CCDC186: variants seen among roughly 807,000 people sequenced by gnomAD.
CCDC186 encodes coiled-coil domain-containing protein 186.
Under a neutral mutation model 113.7 loss-of-function variants are expected in CCDC186, and 49 were observed. The observed-to-expected ratio is 0.43, with a 90% confidence interval of 0.34 to 0.55. CCDC186 has a LOEUF of 0.55. CCDC186 is among the 20% of genes least tolerant of loss of function. The pLI, the probability that CCDC186 is intolerant of heterozygous loss-of-function variation, is 0.02. For missense variants in CCDC186, 890 were observed against 1,011.1 expected, an observed-to-expected ratio of 0.88 and a Z score of 1.62; for synonymous variants, 355 against 345.8, an observed-to-expected ratio of 1.03 and a Z score of -0.30.
chr10:114,139,689 T>A (rs1222286959), intron 6 of CCDC186, among the ~76,000 whole-genome samples: 1 of 152,202 alleles, frequency 6.6e-6, no homozygotes, highest in Admixed American at 6.5e-5. Flanking sequence ...AATAATAATT[T>A]GACTTGTATT....
Position 114,131,129 on chromosome 10 carries a change from T to C in CCDC186, c.2101+18A>G. 3 of 1,459,408 alleles carry C rather than the reference T, an allele frequency of 2.1e-6. No individual in the cohort carries two copies. Among genetic ancestry groups the C allele is most frequent in the Non-Finnish European group, 2.7e-6 (3 of 1,103,464 alleles). 90.4% of individuals were successfully genotyped at this position (1,459,408 alleles called of 1,614,324 possible). ...GAAACAAACACATTCATGGTCTAAG[T>C]GTGGAAGAATTTTATACCTTGCTGA... is the stretch of plus-strand genomic sequence containing the variant. On this transcript the variant is annotated intron_variant, in intron 12 of 15. Transcript: ENST00000369287.
rs956862570 is a variant in CCDC186 at position 114,162,690 on chromosome 10, C to A, written c.579G>T (p.Leu193=). 3.1e-6 allele frequency: 5 copies of A among 1,604,776 alleles called. No individual in the cohort carries two copies. The African/African-American group carries it at 5.4e-5, about 17-fold the overall frequency. ...ATTTATCTTGCACACACTTTTCAAA[C>A]AGAACTAATGCATGTTCTCCCTTAT... ...GMNKGEHALV[L]FEKCVQDKYL... Residue 193 remains leucine, a synonymous_variant, in exon 2 of 16, where the codon CTG becomes CTT. Coordinates refer to ENST00000369287, the MANE Select transcript of CCDC186 (RefSeq NM_018017.4).
chr10:114,161,364 T>A (rs940033125), intron 2 of CCDC186, among the ~76,000 whole-genome samples: 1 of 152,158 alleles, frequency 6.6e-6, no homozygotes, highest in Non-Finnish European at 1.5e-5. Flanking sequence ...ATCCATGAAC[T>A]AATAAATGTA....
rs1315087991 is a variant in CCDC186 at position 114,123,544 on chromosome 10, T to C, written c.*1599A>G. 1.3e-5 allele frequency: 2 copies of C among 152,146 alleles called. No individual in the cohort carries two copies. The highest frequency in any genetic ancestry group is 2.9e-5 in the Non-Finnish European group (2 of 68,022). 9.4% of individuals were successfully genotyped at this position (152,146 alleles called of 1,614,324 possible). The stretch of plus-strand genomic sequence containing the variant: ...CCATCATCCCAAAACTTAATTCCCT[T>C]AATGGGAGAAAAAGGGATGCAAAAA... On this transcript the variant is annotated 3_prime_UTR_variant, in exon 16 of 16. Transcript: ENST00000369287.
At position 114,156,122 on chromosome 10, in the gene CCDC186, A is replaced by G. The variant is rs74912646; in HGVS notation, c.759+1432T>C. ...GCCTGTTAAGACTCCCTCACACTTT[A>G]CCATTCTAACTCTGGTTTATATGTG... On this transcript the variant is annotated intron_variant, in intron 3 of 15. Transcript: ENST00000369287. Among the ~76,000 whole-genome samples the G allele has an allele frequency of 5.8e-3, 884 of 152,330 alleles. 7 individuals carry two copies. The highest frequency in any genetic ancestry group is 0.02 in the African/African-American group (843 of 41,572).
At chr10:114,139,510 C>T (rs1223692897) in intron 6 of CCDC186, among the ~76,000 whole-genome samples, 3 of 150,782 alleles carry the variant, frequency 2.0e-5, no homozygotes, top group South Asian at 4.2e-4. Context: ...TTGCAGTGAG[C>T]CAAGATCGCA....
chr10:114,138,338 G>A (rs1449322922), intron 6 of CCDC186, among the ~76,000 whole-genome samples: 1 of 145,252 alleles, frequency 6.9e-6, no homozygotes, highest in Admixed American at 6.9e-5. Context: ...CTGTCACTCA[G>A]GCTTGAGTAC....
In CCDC186 at chr10:114,126,038, T is replaced by G. The variant is rs765719498; in HGVS notation, c.2461A>C (p.Lys821Gln). The change falls in exon 15 of 16, where the codon AAA becomes CAA. Residue 821 changes from lysine (K) to glutamine (Q), a missense_variant. By Grantham distance (53) the Lys-to-Gln change is moderately conservative (BLOSUM62 1). Coordinates refer to ENST00000369287, the MANE Select transcript of CCDC186 (RefSeq NM_018017.4). The part of the protein sequence containing the change: ...TLSSEASDFN[K>Q]VHLSRRGGIM... The stretch of plus-strand genomic sequence containing the variant: ...CCACCCCGTCTACTTAAATGAACTT[T>G]GTTAAAATCAGATGCCTCTGAAGAA... 2 of 1,614,074 alleles carry G rather than the reference T, an allele frequency of 1.2e-6. No homozygotes were observed. The highest frequency in any genetic ancestry group is 1.7e-6 in the Non-Finnish European group (2 of 1,179,960).
chr10:114,172,903 G>T (rs777542811), intron 1 of CCDC186, among the ~76,000 whole-genome samples: 1 of 152,056 alleles, frequency 6.6e-6, no homozygotes, highest in African/African-American at 2.4e-5. Flanking sequence ...TCCTTCCCAC[G>T]AGATGAACAC....
In CCDC186 at chr10:114,122,442, T is replaced by C. The variant is rs999797427; in HGVS notation, c.*2701A>G. Reference sequence around the variant, plus strand: ...ATGGGGAAAATGGAGTCATGGCAAATATTCACTTCAAAATTAAAACCTATT... The same window carrying C: ...ATGGGGAAAATGGAGTCATGGCAAACATTCACTTCAAAATTAAAACCTATT... On this transcript the variant is annotated 3_prime_UTR_variant, in exon 16 of 16. Transcript: ENST00000369287. The C allele has an allele frequency of 6.6e-6, 1 of 152,194 alleles. No individual in the cohort carries two copies. Among genetic ancestry groups the C allele is most frequent in the Non-Finnish European group, 1.5e-5 (1 of 68,032 alleles). The allele number at this position is 152,194 out of a possible 1,614,324, so 9.4% of individuals were successfully genotyped here. A position where few individuals can be genotyped will look rare whatever the true frequency, so the allele number is the denominator to read the frequency against.
chr10:114,164,597 G>A (rs2032281834), intron 1 of CCDC186, among the ~76,000 whole-genome samples: 1 of 152,134 alleles, frequency 6.6e-6, no homozygotes, highest in East Asian at 1.9e-4. Context: ...AAGGTAATGA[G>A]TTACTGAAAC....
Position 114,122,693 on chromosome 10 carries a change from G to A in CCDC186, c.*2450C>T, listed in dbSNP as rs1255276721. ...GAAGGCCCTCTAAATCCTTACATCA[G>A]GAGCTGTCTGTGAATTAGTATAGAG... is the stretch of plus-strand genomic sequence containing the variant. On this transcript the variant is annotated 3_prime_UTR_variant, in exon 16 of 16. Transcript: ENST00000369287. The A allele has an allele frequency of 1.3e-5, 2 of 152,090 alleles. No individual in the cohort carries two copies. The highest frequency in any genetic ancestry group is 1.3e-4 in the Admixed American group (2 of 15,272). The allele number at this position is 152,090 out of a possible 1,614,324, so 9.4% of individuals were successfully genotyped here.
chr10:114,135,404 T>C (rs2031226422), intron 9 of CCDC186, among the ~76,000 whole-genome samples: 1 of 152,168 alleles, frequency 6.6e-6, no homozygotes, highest in Non-Finnish European at 1.5e-5. Context: ...AAGGACTACT[T>C]CTAAATAAAT....
chr10:114,157,209 G>A (rs2032036586), intron 3 of CCDC186, among the ~76,000 whole-genome samples: 2 of 131,166 alleles, frequency 1.5e-5, no homozygotes, highest in African/African-American at 2.9e-5. Flanking sequence ...TTTGAGACAA[G>A]GTCTCACTCT....
At position 114,122,563 on chromosome 10, in the gene CCDC186, C is replaced by T. The variant is rs1234420533; in HGVS notation, c.*2580G>A. On this transcript the variant is annotated 3_prime_UTR_variant, in exon 16 of 16. Coordinates refer to ENST00000369287, the MANE Select transcript of CCDC186 (RefSeq NM_018017.4). ...CCAAAACAGCCTTGATATGTAACAA[C>T]CAATAATGAACATATAAAACAAACT... 1.3e-5 allele frequency: 2 copies of T among 152,084 alleles called. No homozygotes were observed. Among genetic ancestry groups the T allele is most frequent in the Non-Finnish European group, 2.9e-5 (2 of 68,022 alleles). The allele number at this position is 152,084 out of a possible 1,614,324, so 9.4% of individuals were successfully genotyped here. A position where few individuals can be genotyped will look rare whatever the true frequency, so the allele number is the denominator to read the frequency against.
At chr10:114,166,491 T>C (rs893669017) in intron 1 of CCDC186, among the ~76,000 whole-genome samples, 4 of 152,218 alleles carry the variant, frequency 2.6e-5, no homozygotes, top group African/African-American at 9.7e-5. Flanking sequence ...ACATAGAGCC[T>C]TTCTTGTGAC....
At chr10:114,128,029 A>T (rs532283714) in intron 13 of CCDC186, among the ~76,000 whole-genome samples, 1 of 152,298 alleles carries the variant, frequency 6.6e-6, no homozygotes, top group South Asian at 2.1e-4. Flanking sequence ...GTTAGAATAT[A>T]GTGGGTTAAG....
At chr10:114,168,922 G>C (rs2032409676) in intron 1 of CCDC186, among the ~76,000 whole-genome samples, 2 of 152,168 alleles carry the variant, frequency 1.3e-5, no homozygotes, top group South Asian at 4.1e-4. Context: ...GGTACTAAGA[G>C]ATACATTTCC....
intron 1 of CCDC186, chr10:114,168,428 T>C (rs1345352132): frequency 6.6e-6 from 1 of 152,184 alleles, no homozygotes; most frequent in Non-Finnish European, 1.5e-5. Flanking sequence ...ATTAGCAGTA[T>C]AAACAACAAA....
Sources: allele counts gnomAD v4.1 joint callset (sites outside exome capture counted in the v4.1 genomes callset), GRCh38; gene constraint gnomAD v4.1.1; transcripts MANE v1.5; gene names NCBI Gene and HGNC (gene_info 2026-07-23, HGNC 2026-07-21).